Variants in GPNMB observed in about 807,000 individuals in gnomAD.
GPNMB encodes the protein transmembrane glycoprotein NMB.
In GPNMB, 71 loss-of-function variants were observed where a neutral mutation model predicts 57.3. The ratio of observed to expected loss-of-function variants is 1.24; its 90% CI spans 1.02 to 1.51. The LOEUF (loss-of-function observed/expected upper bound fraction) is 1.51, where lower values mean the gene tolerates loss of function less well. Ranked by LOEUF, GPNMB falls within the 40% of genes most tolerant of loss-of-function variation. The probability of loss-of-function intolerance (pLI) is 0.00; values close to 1 mark genes in which losing one functional copy is unlikely to be tolerated. For missense variants in GPNMB, 677 were observed against 691.9 expected, an observed-to-expected ratio of 0.98 and a Z score of 0.24; for synonymous variants, 253 against 263.2, an observed-to-expected ratio of 0.96 and a Z score of 0.38.
intron 6 of GPNMB, 187 bp from the exon 7 acceptor site, chr7:23,266,330 C>T: frequency 3.4e-6 from 2 of 595,610 alleles, no homozygotes; most frequent in Non-Finnish European, 5.9e-6. Flanking sequence ...ATTATAATAC[C>T]TTATAGCTCT....
rs1207161610 is a variant in GPNMB at position 23,275,006 on chromosome 7, A to G, written c.*782A>G. 6.6e-6 allele frequency: 1 copy of G among 152,140 alleles called. No homozygotes were observed. Among genetic ancestry groups the G allele is most frequent in the Admixed American group, 6.6e-5 (1 of 15,258 alleles). 9.4% of individuals were successfully genotyped at this position (152,140 alleles called of 1,614,324 possible). On this transcript the variant is annotated 3_prime_UTR_variant, in exon 11 of 11. Transcript: ENST00000258733. ...CCTGGTTTTTCATGGCAACTTGATC[A>G]GTAAGGATTTCACCTCTGTTTGTAA...
intron 7 of GPNMB, among the ~76,000 whole-genome samples, chr7:23,267,485 C>CT (rs1015503692): frequency 3.3e-5 from 5 of 152,258 alleles, no homozygotes; most frequent in African/African-American, 1.2e-4. Flanking sequence ...ATTCCATAGA[C>CT]TGGGTGGCTT....
At chr7:23,257,149 T>C in intron 4 of GPNMB, 84 bp downstream of exon 4, 1 of 1,171,034 alleles carries the variant, frequency 8.5e-7, no homozygotes, top group South Asian at 1.2e-5. Flanking sequence ...TAATTGAGAA[T>C]GATAACACAG....
intron 2 of GPNMB, among the ~76,000 whole-genome samples, chr7:23,253,889 A>C (rs778723353): frequency 1.1e-4 from 16 of 152,170 alleles, no homozygotes; most frequent in Non-Finnish European, 1.5e-4. Context: ...AGACTTCTAA[A>C]ACTTGTCTCC....
At chr7:23,258,694 G>A (rs1400141776) in intron 4 of GPNMB, among the ~76,000 whole-genome samples, 2 of 152,166 alleles carry the variant, frequency 1.3e-5, no homozygotes, top group Non-Finnish European at 2.9e-5. Context: ...ACTAAGTATG[G>A]TCTCACCTCT....
At chr7:23,271,296 G>A (rs1470412499) in intron 9 of GPNMB, among the ~76,000 whole-genome samples, 1 of 152,168 alleles carries the variant, frequency 6.6e-6, no homozygotes, top group Non-Finnish European at 1.5e-5. Flanking sequence ...ACAGACTGAG[G>A]ACCCGTACCA....
intron 1 of GPNMB, among the ~76,000 whole-genome samples, chr7:23,249,879 A>G (rs1782621976): frequency 1.3e-5 from 2 of 152,234 alleles, no homozygotes; most frequent in Admixed American, 1.3e-4. Context: ...CAAGAAACTA[A>G]CAGAGTGGCT....
chr7:23,263,109 A>G (rs781533932), intron 6 of GPNMB, among the ~76,000 whole-genome samples: 8 of 152,232 alleles, frequency 5.3e-5, no homozygotes, highest in Non-Finnish European at 1.2e-4. Context: ...AATAAATTAC[A>G]GATGCTTTTA....
At chr7:23,265,890 A>C (rs1231091302) in intron 6 of GPNMB, among the ~76,000 whole-genome samples, 1 of 149,176 alleles carries the variant, frequency 6.7e-6, no homozygotes, top group Non-Finnish European at 1.5e-5. Flanking sequence ...TTAAAATATA[A>C]CTGCATCTAG....
At position 23,254,235 on chromosome 7, in the gene GPNMB, C is replaced by G. The variant is rs202078752; in HGVS notation, c.290C>G (p.Ala97Gly). Reference sequence around the variant, plus strand: ...CTCGTGGGCTCAAATATAACATTTGCGGTGAACCTGATATTCCCTAGATGC... The same window carrying G: ...CTCGTGGGCTCAAATATAACATTTGGGGTGAACCTGATATTCCCTAGATGC... ...PALVGSNITF[A>G]VNLIFPRCQK... The change falls in exon 3 of 11, where the codon GCG becomes GGG. Residue 97 changes from alanine to glycine, a missense_variant. Physicochemically the swap from Ala to Gly is moderately conservative, Grantham distance 60. Transcript: ENST00000258733. 7.4e-6 allele frequency: 12 copies of G among 1,613,330 alleles called. No individual in the cohort carries two copies. In the South Asian group the frequency reaches 1.2e-4, roughly 16 times the overall value.
At chr7:23,249,960 G>A (rs935415502) in intron 1 of GPNMB, among the ~76,000 whole-genome samples, 2 of 152,196 alleles carry the variant, frequency 1.3e-5, no homozygotes, top group Non-Finnish European at 2.9e-5. Context: ...AGCATTTGAT[G>A]TTGTCACTGC....
chr7:23,263,181 G>C (rs1782971107), intron 6 of GPNMB, among the ~76,000 whole-genome samples: 1 of 152,114 alleles, frequency 6.6e-6, no homozygotes, highest in African/African-American at 2.4e-5. Context: ...AGTCTACTTT[G>C]AATTGCATTT....
intron 6 of GPNMB, among the ~76,000 whole-genome samples, chr7:23,265,427 G>T (rs1012182958): frequency 6.6e-6 from 1 of 152,142 alleles, no homozygotes; most frequent in Admixed American, 6.6e-5. Context: ...CTTGCTAAAG[G>T]AGCAGCGATG....
chr7:23,273,474 C>T (rs765503003), intron 9 of GPNMB, 47 bp from the exon 10 acceptor site: 2 of 1,218,054 alleles, frequency 1.6e-6, no homozygotes. Flanking sequence ...AGCGGCATGT[C>T]CTCTAGGTGG....
intron 6 of GPNMB, among the ~76,000 whole-genome samples, chr7:23,262,902 G>A (rs1373920067): frequency 6.6e-6 from 1 of 152,056 alleles, no homozygotes; most frequent in East Asian, 1.9e-4. Context: ...TTATAAGCGT[G>A]AGGCACTGTG....
intron 6 of GPNMB, among the ~76,000 whole-genome samples, chr7:23,263,296 C>T (rs936709228): frequency 6.6e-6 from 1 of 152,048 alleles, no homozygotes; most frequent in African/African-American, 2.4e-5. Context: ...GTTGTAATTT[C>T]TCCCTAGGTG....
At chr7:23,273,466 C>T in intron 9 of GPNMB, 55 bp from the exon 10 acceptor site, 4 of 1,084,672 alleles carry the variant, frequency 3.7e-6, no homozygotes, top group Non-Finnish European at 5.7e-6. Context: ...GCATTATAAG[C>T]GGCATGTCCT....
chr7:23,249,348 C>T (rs1269226265), intron 1 of GPNMB, among the ~76,000 whole-genome samples: 1 of 152,212 alleles, frequency 6.6e-6, no homozygotes, highest in Non-Finnish European at 1.5e-5. Context: ...TCATGCAAAA[C>T]AGGACATCAC....
chr7:23,247,396 C>T (rs1025367759), intron 1 of GPNMB: 1 of 174,632 alleles, frequency 5.7e-6, no homozygotes, highest in African/African-American at 2.4e-5. Context: ...CCTCACAGAC[C>T]TGCAGGAGCT....
Sources: allele counts gnomAD v4.1 joint callset (sites outside exome capture counted in the v4.1 genomes callset), GRCh38; gene constraint gnomAD v4.1.1; transcripts MANE v1.5; gene names NCBI Gene and HGNC (gene_info 2026-07-23, HGNC 2026-07-21).